The following GPM6B variants were observed in gnomAD, a reference collection of about 807,000 sequenced individuals.
GPM6B encodes the protein glycoprotein M6B.
A neutral mutation model predicts 27.2 loss-of-function variants in GPM6B; 4 were observed. The ratio of observed to expected loss-of-function variants is 0.15; its 90% CI spans 0.07 to 0.34. The LOEUF (loss-of-function observed/expected upper bound fraction) is 0.34, where lower values mean the gene tolerates loss of function less well. GPM6B is among the 10% of genes least tolerant of loss of function. The pLI is 1.00. For missense variants in GPM6B, 183 were observed against 261.9 expected, an observed-to-expected ratio of 0.70 and a Z score of 2.08; for synonymous variants, 124 against 103.1, an observed-to-expected ratio of 1.20 and a Z score of -1.23.
intron 1 of GPM6B, among the ~76,000 whole-genome samples, chrX:13,816,308 C>A (rs1311498555): frequency 9.0e-6 from 1 of 110,643 alleles, no homozygotes; most frequent in African/African-American, 3.3e-5. Context: ...AGCTGATGTC[C>A]CCTCTCTGAA....
intron 1 of GPM6B, among the ~76,000 whole-genome samples, chrX:13,815,700 A>C (rs17300730): frequency 0.29 from 32,120 of 111,243 alleles, 3,666 homozygotes; most frequent in Middle Eastern, 0.37. Context: ...TGTACCAAAG[A>C]AATTTTATAT....
intron 1 of GPM6B, among the ~76,000 whole-genome samples, chrX:13,836,804 G>C (rs2049499803): frequency 8.9e-6 from 1 of 112,175 alleles, no homozygotes; most frequent in Non-Finnish European, 1.9e-5. Context: ...TTTCAATTTG[G>C]AAGCACTTTT....
At chrX:13,890,091 T>C (rs1442184043) in intron 1 of GPM6B, among the ~76,000 whole-genome samples, 3 of 111,542 alleles carry the variant, frequency 2.7e-5, no homozygotes, top group African/African-American at 9.8e-5. Flanking sequence ...AGGCATTCTA[T>C]GTCACGGGAT....
chrX:13,796,336 T>C (rs1479801359), intron 2 of GPM6B, among the ~76,000 whole-genome samples: 1 of 112,331 alleles, frequency 8.9e-6, no homozygotes, highest in African/African-American at 3.2e-5. Context: ...CCCAAAGTGC[T>C]GGGATTACAG....
At chrX:13,830,556 T>A (rs1487079302) in intron 1 of GPM6B, among the ~76,000 whole-genome samples, 1 of 112,383 alleles carries the variant, frequency 8.9e-6, no homozygotes, top group East Asian at 2.8e-4. Flanking sequence ...TTGAGTTAAC[T>A]TTGTGCAGCA....
intron 1 of GPM6B, among the ~76,000 whole-genome samples, chrX:13,846,552 G>A (rs973866856): frequency 8.2e-5 from 9 of 109,984 alleles, no homozygotes; most frequent in Non-Finnish European, 1.1e-4. Flanking sequence ...GTGCAGTGGC[G>A]TGATCTCAGC....
At chrX:13,875,390 G>A (rs1175832673) in intron 1 of GPM6B, among the ~76,000 whole-genome samples, 1 of 111,715 alleles carries the variant, frequency 9.0e-6, no homozygotes, top group Non-Finnish European at 1.9e-5. Context: ...GTGGAGGCGA[G>A]TCCTAACATA....
intron 1 of GPM6B, among the ~76,000 whole-genome samples, chrX:13,937,526 TTTGTGGC>T (rs1186770152): frequency 9.0e-6 from 1 of 111,563 alleles, no homozygotes; most frequent in African/African-American, 3.3e-5. Flanking sequence ...CTTCACAGTC[TTTGTGGC>T]TTGTGGCTGG....
Position 13,776,308 on chromosome X carries a change from A to G in GPM6B, c.772-5T>C. 3.3e-6 allele frequency: 4 copies of G among 1,197,253 alleles called. No individual in the cohort carries two copies. The highest frequency in any genetic ancestry group is 4.5e-6 in the Non-Finnish European group (4 of 883,339). On this transcript the variant is annotated splice_polypyrimidine_tract_variant and splice_region_variant and intron_variant, in intron 6 of 7. Coordinates refer to ENST00000316715, the MANE Select transcript of GPM6B (RefSeq NM_001001995.3). ...CAGGTGATAGGACATGTAGAACTAC[A>G]AAAGAACAGGGCATCAACATAAGCA...
At chrX:13,936,410 G>A (rs1300032834) in intron 1 of GPM6B, among the ~76,000 whole-genome samples, 3 of 111,818 alleles carry the variant, frequency 2.7e-5, no homozygotes, top group Non-Finnish European at 5.6e-5. Flanking sequence ...CCTGGTTAAG[G>A]AACTAATTGT....
At chrX:13,777,116 A>G (rs1363029477) in intron 6 of GPM6B, among the ~76,000 whole-genome samples, 1 of 111,604 alleles carries the variant, frequency 9.0e-6, no homozygotes, top group Non-Finnish European at 1.9e-5. Flanking sequence ...CCAAAGGAAA[A>G]GCCCTCCACT....
intron 2 of GPM6B, among the ~76,000 whole-genome samples, chrX:13,803,577 G>T (rs2048962461): frequency 8.9e-6 from 1 of 112,026 alleles, no homozygotes; most frequent in Non-Finnish European, 1.9e-5. Context: ...TTGTGAGACT[G>T]AATTCTGAAT....
rs1395243373 is a variant in GPM6B at position 13,785,016 on chromosome X, G to A, written c.368+606C>T. 4.5e-5 allele frequency among the ~76,000 whole-genome samples: 5 copies of A among 111,282 alleles called. No individual in the cohort carries two copies. The South Asian group carries it at 1.5e-3, about 34-fold the overall frequency. ...ACAACACAATTCTGTTGAGACAATC[G>A]GCAGCATCACCTATCACCATGTCAC... On this transcript the variant is annotated intron_variant, in intron 3 of 7. Coordinates refer to ENST00000316715, the MANE Select transcript of GPM6B (RefSeq NM_001001995.3).
intron 2 of GPM6B, among the ~76,000 whole-genome samples, chrX:13,792,087 TAA>T (rs896110625): frequency 7.1e-5 from 8 of 112,268 alleles, no homozygotes; most frequent in Non-Finnish European, 1.3e-4. Context: ...GCGAAAATCC[TAA>T]GAGAAGCAGC....
intron 1 of GPM6B, among the ~76,000 whole-genome samples, chrX:13,872,331 G>A (rs1212439580): frequency 2.7e-5 from 3 of 109,371 alleles, no homozygotes; most frequent in Admixed American, 9.8e-5. Context: ...CCACCACACC[G>A]GGCTATTTTT....
chrX:13,823,009 C>T (rs990441566), intron 1 of GPM6B, among the ~76,000 whole-genome samples: 7 of 111,821 alleles, frequency 6.3e-5, no homozygotes, highest in African/African-American at 2.3e-4. Context: ...AAGACTTTGT[C>T]CTCCATTACC....
chrX:13,932,188 G>C (rs748689309), intron 1 of GPM6B, among the ~76,000 whole-genome samples: 1 of 110,854 alleles, frequency 9.0e-6, no homozygotes, highest in South Asian at 3.9e-4. Flanking sequence ...CCCACATTGA[G>C]GCCATTCCCA....
At chrX:13,793,370 T>G (rs1331953095) in intron 2 of GPM6B, among the ~76,000 whole-genome samples, 11 of 111,454 alleles carry the variant, frequency 9.9e-5, no homozygotes, top group African/African-American at 3.6e-4. Flanking sequence ...CATGTCTCCC[T>G]AAAAGGTATA....
At chrX:13,915,865 T>C (rs1464458135) in intron 1 of GPM6B, among the ~76,000 whole-genome samples, 1 of 112,338 alleles carries the variant, frequency 8.9e-6, no homozygotes, top group Non-Finnish European at 1.9e-5. Context: ...CTTCATTTCT[T>C]GACTGATATA....
Sources: gnomAD v4.1 joint callset for allele counts (sites outside exome capture counted in the v4.1 genomes callset) on GRCh38, gnomAD v4.1.1 for gene constraint, MANE v1.5 for transcripts, NCBI Gene and HGNC (gene_info 2026-07-23, HGNC 2026-07-21) for gene names.